Variants in CFAP92 observed in about 807,000 individuals in gnomAD.
CFAP92 encodes cilia and flagella associated protein 92 (putative).
CFAP92 carries 86 observed loss-of-function variants against 106.3 expected under a neutral mutation model. The observed-to-expected ratio is 0.81, with a 90% confidence interval of 0.68 to 0.97. CFAP92 has a LOEUF of 0.97. Among genes scored for constraint, CFAP92 ranks in the 50% least tolerant of loss-of-function variants. The pLI is 0.00. For missense variants in CFAP92, 1,204 were observed against 1,283.8 expected, an observed-to-expected ratio of 0.94 and a Z score of 0.95; for synonymous variants, 477 against 506.4, an observed-to-expected ratio of 0.94 and a Z score of 0.78.
chr3:128,956,753 G>A (rs568377719), intron 9 of CFAP92, among the ~76,000 whole-genome samples: 8 of 152,040 alleles, frequency 5.3e-5, no homozygotes, highest in South Asian at 2.1e-4. Flanking sequence ...GCCGAGGTGC[G>A]TGCATCACCT....
intron 4 of CFAP92, among the ~76,000 whole-genome samples, chr3:128,983,033 G>A (rs984756333): frequency 5.3e-5 from 8 of 152,262 alleles, no homozygotes; most frequent in South Asian, 2.1e-4. Flanking sequence ...AAAAAACGGC[G>A]TCAATAGACT....
intron 9 of CFAP92, among the ~76,000 whole-genome samples, chr3:128,958,608 G>A (rs1941628985): frequency 6.6e-6 from 1 of 152,132 alleles, no homozygotes; most frequent in Non-Finnish European, 1.5e-5. Flanking sequence ...AGCAGTTTCA[G>A]AAGACAAAAA....
intron 12 of CFAP92, among the ~76,000 whole-genome samples, chr3:128,920,462 C>T (rs1436931657): frequency 2.6e-5 from 4 of 152,050 alleles, no homozygotes; most frequent in Admixed American, 2.0e-4. Context: ...GAGAATTTCA[C>T]CAGACACCTG....
chr3:128,949,759 T>C (rs1940600473), intron 9 of CFAP92, among the ~76,000 whole-genome samples: 1 of 152,232 alleles, frequency 6.6e-6, no homozygotes, highest in South Asian at 2.1e-4. Flanking sequence ...CGATCTTGGC[T>C]CACGGCAACC....
intron 12 of CFAP92, among the ~76,000 whole-genome samples, chr3:128,925,790 CAAAA>C (rs369014400): frequency 6.6e-6 from 1 of 151,982 alleles, no homozygotes; most frequent in African/African-American, 2.4e-5. Flanking sequence ...AAAATAAAAA[CAAAA>C]AATTTAAGCA....
intron 9 of CFAP92, among the ~76,000 whole-genome samples, chr3:128,960,260 C>T (rs944871273): frequency 6.6e-6 from 1 of 152,236 alleles, no homozygotes; most frequent in Non-Finnish European, 1.5e-5. Flanking sequence ...AATGTGGTGC[C>T]GTGACTCGGA....
intron 12 of CFAP92, among the ~76,000 whole-genome samples, chr3:128,927,711 A>C (rs186549574): frequency 1.5e-4 from 23 of 148,774 alleles, no homozygotes; most frequent in Non-Finnish European, 2.4e-4. Context: ...GCGACTGAGC[A>C]AGACTCTGTC....
At chr3:128,952,754 C>T (rs868756574) in intron 9 of CFAP92, among the ~76,000 whole-genome samples, 3 of 152,026 alleles carry the variant, frequency 2.0e-5, no homozygotes, top group African/African-American at 7.2e-5. Context: ...GTACTCCAGC[C>T]TGGGTGACAG....
At chr3:128,956,215 T>G (rs28784647) in intron 9 of CFAP92, among the ~76,000 whole-genome samples, 3,273 of 68,742 alleles carry the variant, frequency 0.048, 98 homozygotes, top group Non-Finnish European at 0.07. Flanking sequence ...AATAAAAAAA[T>G]AAAAAAAAAA....
intron 9 of CFAP92, among the ~76,000 whole-genome samples, chr3:128,956,191 AAAAAT>A (rs1941369028): frequency 1.0e-5 from 1 of 99,368 alleles, no homozygotes; most frequent in African/African-American, 8.0e-5. Flanking sequence ...AATTAAAAAA[AAAAAT>A]AAAAAAAAAA....
intron 4 of CFAP92, among the ~76,000 whole-genome samples, chr3:128,985,806 C>T (rs1448966351): frequency 2.0e-5 from 3 of 152,168 alleles, no homozygotes; most frequent in Non-Finnish European, 2.9e-5. Context: ...TGGAAGCCTA[C>T]GACTTGTAGT....
Position 128,910,243 on chromosome 3 carries a change from T to A in CFAP92, c.*56A>T. The A allele has an allele frequency of 1.3e-6, 2 of 1,583,980 alleles. No homozygotes were observed. Among genetic ancestry groups the A allele is most frequent in the South Asian group, 2.3e-5 (2 of 88,456 alleles). ...GATTGTTGAGGAGGGTGTGGTCGGG[T>A]GTGGGGGAGGCTGTGCAGGTTCACC... is the stretch of plus-strand genomic sequence containing the variant. On this transcript the variant is annotated 3_prime_UTR_variant, in exon 16 of 16. Coordinates refer to ENST00000645291, the MANE Select transcript of CFAP92 (RefSeq NM_001394090.1).
chr3:128,978,213 T>C (rs1553758438), intron 4 of CFAP92, 28 bp from the exon 5 acceptor site: 1 of 1,601,094 alleles, frequency 6.2e-7, no homozygotes, highest in Non-Finnish European at 8.5e-7. Flanking sequence ...AAAGGATCAT[T>C]GACTCAATCA....
At chr3:128,959,732 T>C (rs1416642554) in intron 9 of CFAP92, among the ~76,000 whole-genome samples, 1 of 152,222 alleles carries the variant, frequency 6.6e-6, no homozygotes, top group East Asian at 1.9e-4. Flanking sequence ...GTAGGAGACC[T>C]CAGGACTGGT....
chr3:128,991,755 C>A, intron 2 of CFAP92: 1 of 1,013,074 alleles, frequency 9.9e-7, no homozygotes, highest in South Asian at 3.7e-5. Context: ...TGTTGGTGCG[C>A]TCTCGGGGTT....
At chr3:128,911,603 A>G (rs140689879) in intron 15 of CFAP92, among the ~76,000 whole-genome samples, 268 of 151,562 alleles carry the variant, frequency 1.8e-3, no homozygotes, top group African/African-American at 6.0e-3. Context: ...ATGCCCAGCT[A>G]ATATTTGTAT....
the CFAP92 span, among the ~76,000 whole-genome samples, chr3:129,021,970 C>T: frequency 1.3e-5 from 2 of 152,060 alleles, no homozygotes; most frequent in African/African-American, 2.4e-5. Context: ...AGAAAGAGGG[C>T]GTCAGTGTGT....
At chr3:128,934,192 C>T (rs546000913) in intron 11 of CFAP92, among the ~76,000 whole-genome samples, 5 of 152,306 alleles carry the variant, frequency 3.3e-5, no homozygotes, top group Admixed American at 1.3e-4. Flanking sequence ...GACTGGTGTG[C>T]CCACAGGCCC....
chr3:129,018,971 GCTGCCTCCAACTGC>G, the CFAP92 span, among the ~76,000 whole-genome samples: 1 of 152,118 alleles, frequency 6.6e-6, no homozygotes, highest in South Asian at 2.1e-4. Context: ...TGGACACTAG[GCTGCCTCCAACTGC>G]CTGCCACTCC....
Sources: gnomAD v4.1 joint callset for allele counts (sites outside exome capture counted in the v4.1 genomes callset) on GRCh38, gnomAD v4.1.1 for gene constraint, MANE v1.5 for transcripts, NCBI Gene and HGNC (gene_info 2026-07-23, HGNC 2026-07-21) for gene names.